Variants in LPP observed in about 807,000 individuals in gnomAD.
LPP encodes the protein lipoma-preferred partner.
Under a neutral mutation model 60.4 loss-of-function variants are expected in LPP, and 38 were observed. The ratio of observed to expected loss-of-function variants is 0.63; its 90% CI spans 0.49 to 0.83. LPP has a LOEUF of 0.83. LPP is among the 40% of genes least tolerant of loss of function. LPP has a pLI of 0.00. For missense variants in LPP, 902 were observed against 783.6 expected (o/e 1.15, Z -1.80); for synonymous variants, 328 against 290.8 (o/e 1.13, Z -1.30).
At chr3:188,327,210 G>A (rs905602302) in intron 2 of LPP, among the ~76,000 whole-genome samples, 3 of 152,184 alleles carry the variant, frequency 2.0e-5, no homozygotes, top group South Asian at 2.1e-4. Context: ...GGATACTTTC[G>A]CTTCTCTATT....
intron 2 of LPP, chr3:188,247,314 T>C (rs1727329276): frequency 4.1e-6 from 1 of 244,972 alleles, no homozygotes. Context: ...GGTTATAGAC[T>C]AGTTGGTAGG....
intron 1 of LPP, among the ~76,000 whole-genome samples, chr3:188,196,993 G>A (rs1006781853): frequency 6.6e-6 from 1 of 152,116 alleles, no homozygotes; most frequent in African/African-American, 2.4e-5. Flanking sequence ...TTGTTGAACT[G>A]GGCTGCATTT....
At chr3:188,378,363 A>C (rs1487833244) in intron 3 of LPP, among the ~76,000 whole-genome samples, 1 of 152,096 alleles carries the variant, frequency 6.6e-6, no homozygotes, top group Non-Finnish European at 1.5e-5. Context: ...ACCGAGTTCA[A>C]GCTTCCTGGC....
chr3:188,524,040 A>T (rs1232032565), intron 5 of LPP, among the ~76,000 whole-genome samples: 1 of 152,132 alleles, frequency 6.6e-6, no homozygotes, highest in Non-Finnish European at 1.5e-5. Context: ...AAATCCGGAG[A>T]TCCTGACTTC....
At chr3:188,319,741 C>T (rs1158924509) in intron 2 of LPP, among the ~76,000 whole-genome samples, 1 of 152,206 alleles carries the variant, frequency 6.6e-6, no homozygotes, top group African/African-American at 2.4e-5. Context: ...CTTATATAAC[C>T]AAAGTATGTT....
At chr3:188,445,823 C>T (rs1578952493) in intron 4 of LPP, among the ~76,000 whole-genome samples, 1 of 152,200 alleles carries the variant, frequency 6.6e-6, no homozygotes, top group Admixed American at 6.5e-5. Flanking sequence ...CACAGGCACA[C>T]AGAGACACAC....
intron 7 of LPP, among the ~76,000 whole-genome samples, chr3:188,628,958 A>G (rs1490290209): frequency 6.6e-6 from 1 of 152,218 alleles, no homozygotes; most frequent in African/African-American, 2.4e-5. Flanking sequence ...ACCATACACA[A>G]ATCAATGAAT....
intron 6 of LPP, among the ~76,000 whole-genome samples, chr3:188,605,419 A>G (rs1842199993): frequency 6.6e-6 from 1 of 152,172 alleles, no homozygotes; most frequent in Non-Finnish European, 1.5e-5. Context: ...GGTGGATGAG[A>G]AAACCAAATG....
intron 2 of LPP, among the ~76,000 whole-genome samples, chr3:188,266,699 C>G (rs1302555463): frequency 6.6e-6 from 1 of 151,998 alleles, no homozygotes; most frequent in Non-Finnish European, 1.5e-5. Context: ...TTTTTAAACC[C>G]GGGTTTATGT....
At chr3:188,599,751 G>GAGGGGTGTGTGTGTGTGTGTGT (rs1553938530) in intron 6 of LPP, among the ~76,000 whole-genome samples, 3 of 139,828 alleles carry the variant, frequency 2.1e-5, no homozygotes, top group African/African-American at 8.1e-5. Flanking sequence ...ACTCGTTAGG[G>GAGGGGTGTGTGTGTGTGTGTGT]GTGTGTGTGT....
chr3:188,700,208 C>A (rs1389573405), intron 7 of LPP, among the ~76,000 whole-genome samples: 1 of 152,038 alleles, frequency 6.6e-6, no homozygotes, highest in Non-Finnish European at 1.5e-5. Flanking sequence ...CTGCCTTTTC[C>A]CGGTGTTTTA....
Position 188,572,849 on chromosome 3 carries a change from G to T in LPP, c.430-36312G>T, listed in dbSNP as rs1833824363. 6.6e-6 allele frequency among the ~76,000 whole-genome samples: 1 copy of T among 152,040 alleles called. No individual in the cohort carries two copies. The highest frequency in any genetic ancestry group is 2.4e-5 in the African/African-American group (1 of 41,404). ...AGAAGGAGTTCTTTGCAGACTAATA[G>T]TTGTCATTTCCAACACTTTTGACCT... On this transcript the variant is annotated intron_variant, in intron 6 of 11. Transcript: ENST00000617246. This position sits in a 1 kb window ranked among gnomAD's most constrained non-coding sequence, Gnocchi z 4.1.
chr3:188,287,748 C>T (rs1374453162), intron 2 of LPP, among the ~76,000 whole-genome samples: 1 of 152,068 alleles, frequency 6.6e-6, no homozygotes, highest in Non-Finnish European at 1.5e-5. Flanking sequence ...GTAATCGTCA[C>T]CTTGAATTTA....
chr3:188,782,415 T>C (rs1740095246), intron 9 of LPP, among the ~76,000 whole-genome samples: 1 of 152,176 alleles, frequency 6.6e-6, no homozygotes, highest in South Asian at 2.1e-4. Context: ...TTTCTTTAGT[T>C]CTCTAAAGCA....
intron 2 of LPP, among the ~76,000 whole-genome samples, chr3:188,324,770 C>T (rs560902167): frequency 1.3e-4 from 20 of 152,254 alleles, no homozygotes; most frequent in African/African-American, 4.6e-4. Flanking sequence ...TATCACACCC[C>T]TCCCCTTAAG....
chr3:188,427,526 G>A (rs1421336023), intron 4 of LPP, among the ~76,000 whole-genome samples: 1 of 152,054 alleles, frequency 6.6e-6, no homozygotes, highest in Non-Finnish European at 1.5e-5. Context: ...TATCTTTTTG[G>A]TGTTCTCTGT....
At chr3:188,649,107 G>C (rs1261803436) in intron 7 of LPP, among the ~76,000 whole-genome samples, 1 of 152,042 alleles carries the variant, frequency 6.6e-6, no homozygotes, top group Non-Finnish European at 1.5e-5. Flanking sequence ...TTTTCACAAA[G>C]GATATTCCAT....
intron 9 of LPP, among the ~76,000 whole-genome samples, chr3:188,781,148 A>G (rs1739506555): frequency 6.6e-6 from 1 of 152,236 alleles, no homozygotes; most frequent in Admixed American, 6.5e-5. Context: ...TAGTATTTAT[A>G]GGGGTTTTGT....
intron 8 of LPP, among the ~76,000 whole-genome samples, chr3:188,726,813 T>A (rs2149973191): frequency 6.6e-6 from 1 of 152,252 alleles, no homozygotes; most frequent in Non-Finnish European, 1.5e-5. Flanking sequence ...GTAGGCATAA[T>A]AGTTTGTGTT....
Sources: gnomAD v4.1 joint callset for allele counts (sites outside exome capture counted in the v4.1 genomes callset) on GRCh38, gnomAD v4.1.1 for gene constraint, Gnocchi (gnomAD v3.1) non-coding constraint, MANE v1.5 for transcripts, NCBI Gene and HGNC (gene_info 2026-07-23, HGNC 2026-07-21) for gene names.